TNS1: variants seen among roughly 807,000 people sequenced by gnomAD.
The protein encoded by TNS1 is tensin-1.
In TNS1, 62 loss-of-function variants were observed where a neutral mutation model predicts 168.6. The observed-to-expected ratio is 0.37, with a 90% CI of 0.30 to 0.45. The LOEUF is 0.45. TNS1 is among the 20% of genes least tolerant of loss of function. The pLI is 1.00. For missense variants in TNS1, 2,240 were observed against 2,339.4 expected, an observed-to-expected ratio of 0.96 and a Z score of 0.88; for synonymous variants, 934 against 933.2, an observed-to-expected ratio of 1.00 and a Z score of -0.02.
At chr2:217,909,341 C>A (rs1268493764) in intron 4 of TNS1, among the ~76,000 whole-genome samples, 1 of 152,162 alleles carries the variant, frequency 6.6e-6, no homozygotes, top group Non-Finnish European at 1.5e-5. Context: ...TCACTCCTGA[C>A]CTGTCCGCTA....
At position 217,841,242 on chromosome 2, in the gene TNS1, G is replaced by T; in HGVS notation, c.3008-5031C>A. On this transcript the variant is annotated intron_variant, in intron 19 of 32. Transcript: ENST00000682258. ...GGAGCCGGTGGAGAGGAGGGGGCGG[G>T]AAGCTGCCACTGTGTCCGATGCCCT... 6.1e-6 allele frequency: 6 copies of T among 984,898 alleles called. No homozygotes were observed. The South Asian group carries it at 2.8e-4, about 46-fold the overall frequency. 61.0% of individuals were successfully genotyped at this position (984,898 alleles called of 1,614,324 possible). A position where few individuals can be genotyped will look rare whatever the true frequency, so the allele number is the denominator to read the frequency against.
chr2:218,017,723 A>T (rs1375624762), intron 1 of TNS1, among the ~76,000 whole-genome samples: 3 of 152,258 alleles, frequency 2.0e-5, no homozygotes, highest in Admixed American at 1.3e-4. Flanking sequence ...TCCTAACCTC[A>T]TGGAGTAATC....
At chr2:217,982,541 C>T (rs1216622262) in intron 2 of TNS1, among the ~76,000 whole-genome samples, 2 of 151,930 alleles carry the variant, frequency 1.3e-5, no homozygotes, top group Non-Finnish European at 2.9e-5. Flanking sequence ...GCAGCTGGGA[C>T]TACAAGCATG....
intron 18 of TNS1, among the ~76,000 whole-genome samples, chr2:217,874,620 G>A (rs1950058768): frequency 6.6e-6 from 1 of 152,234 alleles, no homozygotes; most frequent in Non-Finnish European, 1.5e-5. Context: ...AGAGAGTAGA[G>A]GGGCAAGGGG....
intron 31 of TNS1, 89 bp downstream of exon 31, chr2:217,808,514 C>A (rs1939680059): frequency 1.4e-5 from 17 of 1,245,648 alleles, no homozygotes; most frequent in Non-Finnish European, 2.0e-5. Context: ...CATGCACACA[C>A]ACACACACAC....
At chr2:217,836,856 G>A (rs577970958) in intron 19 of TNS1, among the ~76,000 whole-genome samples, 18 of 152,086 alleles carry the variant, frequency 1.2e-4, no homozygotes, top group East Asian at 5.8e-4. Context: ...CAAAGATAGC[G>A]GCGGATCCCA....
At chr2:217,885,217 G>T (rs1487652096) in intron 15 of TNS1, 53 bp from the exon 16 acceptor site, 3 of 1,610,480 alleles carry the variant, frequency 1.9e-6, no homozygotes, top group Non-Finnish European at 2.5e-6. Context: ...GGGAGGTCAG[G>T]TCCCAGGGAG....
chr2:217,830,673 C>T (rs566563538), intron 22 of TNS1, among the ~76,000 whole-genome samples: 149 of 152,338 alleles, frequency 9.8e-4, no homozygotes, highest in Middle Eastern at 3.4e-3. Context: ...CCAGGGAGGC[C>T]GAGCAGCCAT....
chr2:217,890,537 C>T, intron 12 of TNS1: 1 of 174,584 alleles, frequency 5.7e-6, no homozygotes, highest in Non-Finnish European at 1.2e-5. Context: ...CTAAACTCTC[C>T]CAACAGAAGG....
chr2:217,974,930 T>C (rs1957857699), intron 3 of TNS1, among the ~76,000 whole-genome samples: 1 of 152,210 alleles, frequency 6.6e-6, no homozygotes, highest in Non-Finnish European at 1.5e-5. Flanking sequence ...CAAGCCCTTA[T>C]GTAGATTCTT....
intron 3 of TNS1, among the ~76,000 whole-genome samples, chr2:217,973,292 T>C (rs755816623): frequency 6.2e-5 from 9 of 144,384 alleles, no homozygotes; most frequent in South Asian, 2.2e-4. Flanking sequence ...CTTGAGCCCA[T>C]GAAACTGAGG....
At chr2:217,899,370 A>G (rs1423750287) in intron 7 of TNS1, among the ~76,000 whole-genome samples, 3 of 152,172 alleles carry the variant, frequency 2.0e-5, no homozygotes, top group Admixed American at 2.0e-4. Flanking sequence ...TCTCAAGCCA[A>G]CTGCCTACCC....
At chr2:217,853,949 A>G (rs1947823408) in intron 18 of TNS1, among the ~76,000 whole-genome samples, 1 of 152,234 alleles carries the variant, frequency 6.6e-6, no homozygotes, top group African/African-American at 2.4e-5. Context: ...AGAACGAAGG[A>G]AACAAATAGG....
At chr2:217,808,715 G>A in intron 30 of TNS1, 44 bp from the exon 31 acceptor site, 3 of 1,593,036 alleles carry the variant, frequency 1.9e-6, no homozygotes, top group Non-Finnish European at 2.6e-6. Context: ...GTGCTGAAGG[G>A]GCTGCTTTTC....
chr2:217,900,297 C>T (rs1189073762), intron 7 of TNS1, among the ~76,000 whole-genome samples, 166 bp downstream of exon 7: 1 of 152,248 alleles, frequency 6.6e-6, no homozygotes, highest in Non-Finnish European at 1.5e-5. Flanking sequence ...CTGTTGCCAA[C>T]GGCATCCGCA....
chr2:217,970,678 C>T (rs961859920), intron 3 of TNS1, among the ~76,000 whole-genome samples: 5 of 152,140 alleles, frequency 3.3e-5, no homozygotes, highest in Middle Eastern at 3.4e-3. Context: ...TATATAGAGA[C>T]GGGAAGATTA....
chr2:217,847,721 C>G lies in TNS1; in HGVS notation c.2796G>C (p.Gln932His). 3 of 1,606,040 alleles carry G rather than the reference C, an allele frequency of 1.9e-6. No individual in the cohort carries two copies. Among genetic ancestry groups the G allele is most frequent in the Non-Finnish European group, 2.6e-6 (3 of 1,173,506 alleles). The change falls in exon 19 of 33, where the codon CAG becomes CAC. Residue 932 changes from glutamine (Q) to histidine (H), a missense_variant. Physicochemically the swap from Gln to His is conservative, Grantham distance 24 (BLOSUM62 0). Coordinates refer to ENST00000682258, the MANE Select transcript of TNS1 (RefSeq NM_001387777.1). ...DYQPCLAGPN[Q>H]DFHSKSPASS... ...AGGCTGGGCTCTTTGAATGGAAATC[C>G]TGGTTAGGCCCAGCCAAACATGGCT...
chr2:217,841,265 C>T, intron 19 of TNS1: 1 of 985,010 alleles, frequency 1.0e-6, no homozygotes, highest in Non-Finnish European at 1.2e-6. Flanking sequence ...TGTCCGATGC[C>T]CTGCAGCCTG....
At chr2:217,839,101 G>A (rs1945574390) in intron 19 of TNS1, among the ~76,000 whole-genome samples, 1 of 151,652 alleles carries the variant, frequency 6.6e-6, no homozygotes, top group South Asian at 2.1e-4. Flanking sequence ...AACAGAAATG[G>A]CAGCAGGACA....
Sources: gnomAD v4.1 joint callset for allele counts (sites outside exome capture counted in the v4.1 genomes callset) on GRCh38, gnomAD v4.1.1 for gene constraint, MANE v1.5 for transcripts, NCBI Gene and HGNC (gene_info 2026-07-23, HGNC 2026-07-21) for gene names.